The following PCGF3 variants were observed in gnomAD, a reference collection of about 807,000 sequenced individuals.
PCGF3 encodes polycomb group ring finger 3, also known as polycomb group RING finger protein 3.
Under a neutral mutation model 33.1 loss-of-function variants are expected in PCGF3, and 7 were observed. The ratio of observed to expected loss-of-function variants is 0.21; its 90% CI spans 0.12 to 0.40. The LOEUF is 0.40. Among genes scored for constraint, PCGF3 ranks in the 10% least tolerant of loss-of-function variants. PCGF3 has a pLI of 1.00. For synonymous variants in PCGF3, 153 were observed against 121.3 expected, an observed-to-expected ratio of 1.26 and a Z score of -1.72; for missense variants, 211 against 313.3, an observed-to-expected ratio of 0.67 and a Z score of 2.46.
intron 6 of PCGF3, among the ~76,000 whole-genome samples, chr4:738,173 A>G (rs1743917158): frequency 6.6e-6 from 1 of 152,238 alleles, no homozygotes; most frequent in African/African-American, 2.4e-5. Flanking sequence ...CAGATAGAGA[A>G]GCTGAGAATT....
intron 9 of PCGF3, among the ~76,000 whole-genome samples, chr4:763,317 C>T (rs951270797): frequency 2.0e-5 from 3 of 151,954 alleles, no homozygotes; most frequent in Non-Finnish European, 2.9e-5. Context: ...AGTGGGGCTG[C>T]AGGGGGTGGG....
intron 3 of PCGF3, 77 bp downstream of exon 3, chr4:731,187 G>A (rs1048720431): frequency 1.2e-4 from 49 of 398,404 alleles, no homozygotes; most frequent in Non-Finnish European, 2.0e-4. Context: ...GGCGAGGGCC[G>A]GCGATCATTA....
exon 11 of PCGF3, chr4:767,132 T>G (rs943266252): frequency 4.0e-5 from 6 of 151,860 alleles, no homozygotes; most frequent in Non-Finnish European, 8.8e-5. Context: ...TGGAAGGGCG[T>G]TTTTCAGAGC....
chr4:763,927 C>G (rs1745209858), intron 9 of PCGF3, among the ~76,000 whole-genome samples: 1 of 152,196 alleles, frequency 6.6e-6, no homozygotes, highest in Non-Finnish European at 1.5e-5. Context: ...AACATCAAGT[C>G]CCTGTTACTA....
intron 8 of PCGF3, among the ~76,000 whole-genome samples, chr4:751,820 CAG>C (rs2152605074): frequency 6.6e-6 from 1 of 152,134 alleles, no homozygotes; most frequent in Admixed American, 6.5e-5. Flanking sequence ...AGCCGAGGCT[CAG>C]GGTGGCATCA....
chr4:756,728 C>T (rs1485036215), intron 8 of PCGF3, among the ~76,000 whole-genome samples: 3 of 152,144 alleles, frequency 2.0e-5, no homozygotes, highest in African/African-American at 4.8e-5. Flanking sequence ...CCACCATCAT[C>T]TCCAGAGCCT....
At chr4:736,818 A>T (rs57209516) in intron 5 of PCGF3, among the ~76,000 whole-genome samples, 1 of 81,832 alleles carries the variant, frequency 1.2e-5, no homozygotes, top group African/African-American at 5.0e-5. Context: ...CTGCAGGGAC[A>T]GTGTCGCGGG....
At chr4:738,109 A>G (rs960409770) in intron 6 of PCGF3, among the ~76,000 whole-genome samples, 2 of 152,256 alleles carry the variant, frequency 1.3e-5, no homozygotes, top group African/African-American at 4.8e-5. Context: ...AGGAGGGGCC[A>G]GGTCAGCGCC....
chr4:728,478 C>T (rs996599428), intron 1 of PCGF3, among the ~76,000 whole-genome samples: 3 of 150,530 alleles, frequency 2.0e-5, no homozygotes, highest in East Asian at 3.9e-4. Flanking sequence ...TGGCGTAGAG[C>T]GCGTTGGGGG....
intron 6 of PCGF3, among the ~76,000 whole-genome samples, chr4:742,287 A>C (rs1175064524): frequency 1.3e-5 from 2 of 151,114 alleles, no homozygotes; most frequent in Admixed American, 6.6e-5. Flanking sequence ...CTCTCTGTCC[A>C]AGCTCGTTGC....
rs1381038040 is a variant in PCGF3 at position 720,759 on chromosome 4, G to A, written c.-189-9871G>A. Among the ~76,000 whole-genome samples, 3 of 152,006 alleles carry A rather than the reference G, an allele frequency of 2.0e-5. No individual in the cohort carries two copies. The highest frequency in any genetic ancestry group is 4.4e-5 in the Non-Finnish European group (3 of 67,978). On this transcript the variant is annotated intron_variant, in intron 1 of 10. Transcript: ENST00000362003. This position sits in a 1 kb window ranked among gnomAD's most constrained non-coding sequence, Gnocchi z 5.6. Reference sequence around the variant, plus strand: ...GTGGACCCGGCGTGGACGCAGCCCCGACGTGAATGGATGTGGTTCCGACGT... The same window carrying A: ...GTGGACCCGGCGTGGACGCAGCCCCAACGTGAATGGATGTGGTTCCGACGT...
At position 720,078 on chromosome 4, in the gene PCGF3, A is replaced by G. The variant is rs1159134034; in HGVS notation, c.-189-10552A>G. On this transcript the variant is annotated intron_variant, in intron 1 of 10. Transcript: ENST00000362003. The surrounding 1 kb of genome is among the most constrained non-coding windows in gnomAD (Gnocchi z 5.6). ...ACAGGTTTTGCAGAGCCCGTTGGTG[A>G]AGGCAGGGGTGCCTCTGGCATCGAC... 6.6e-6 allele frequency among the ~76,000 whole-genome samples: 1 copy of G among 152,112 alleles called. No individual in the cohort carries two copies. The highest frequency in any genetic ancestry group is 1.5e-5 in the Non-Finnish European group (1 of 68,016).
At chr4:756,765 C>T (rs1382446272) in intron 8 of PCGF3, among the ~76,000 whole-genome samples, 3 of 152,126 alleles carry the variant, frequency 2.0e-5, no homozygotes, top group Non-Finnish European at 4.4e-5. Context: ...TGAAGCTCTG[C>T]CCCCATTAAA....
chr4:728,357 G>A (rs1221009554), intron 1 of PCGF3, among the ~76,000 whole-genome samples: 6 of 151,816 alleles, frequency 4.0e-5, no homozygotes, highest in South Asian at 2.1e-4. Context: ...CGTAGAGTGC[G>A]TGGGGGGTGG....
rs1255839533 is a variant in PCGF3, at chr4:730,685, C to T, written c.-151+17C>T. 2 of 229,142 alleles carry T rather than the reference C, an allele frequency of 8.7e-6. No individual in the cohort carries two copies. Among genetic ancestry groups the T allele is most frequent in the Non-Finnish European group, 1.7e-5 (2 of 118,102 alleles). The allele number at this position is 229,142 out of a possible 1,614,324, so 14.2% of individuals were successfully genotyped here. A position where few individuals can be genotyped will look rare whatever the true frequency, so the allele number is the denominator to read the frequency against. Reference sequence around the variant, plus strand: ...CGTGCTCAGGTAAGTGCGCGTAGGCCGACTGCCCTCTTCTTTCCGCACCTG... The same window carrying T: ...CGTGCTCAGGTAAGTGCGCGTAGGCTGACTGCCCTCTTCTTTCCGCACCTG... On this transcript the variant is annotated intron_variant, in intron 2 of 10. Transcript: ENST00000362003.
intron 5 of PCGF3, among the ~76,000 whole-genome samples, chr4:735,487 A>T (rs1323192322): frequency 6.6e-6 from 1 of 152,208 alleles, no homozygotes; most frequent in Non-Finnish European, 1.5e-5. Context: ...CCGAGGTTGC[A>T]GTAAGCGGAG....
In PCGF3 at chr4:725,732, G is replaced by C. The variant is rs944566124; in HGVS notation, c.-189-4898G>C. On this transcript the variant is annotated intron_variant, in intron 1 of 10. Coordinates refer to ENST00000362003, the Ensembl canonical transcript of PCGF3. ...GCTGTGGGCTCTGTGCTGTGGCTGT[G>C]TGGGCTGCAGAGGGCTGCTGTGGGT... is the stretch of plus-strand genomic sequence containing the variant. Among the ~76,000 whole-genome samples the C allele has an allele frequency of 8.5e-5, 13 of 152,054 alleles. No individual in the cohort carries two copies. In the East Asian group the frequency reaches 2.5e-3, roughly 29 times the overall value.
intron 1 of PCGF3, among the ~76,000 whole-genome samples, chr4:717,824 C>G (rs1742921452): frequency 6.6e-6 from 1 of 152,206 alleles, no homozygotes; most frequent in Admixed American, 6.5e-5. Context: ...ATTGAGGAGT[C>G]CACGCGGCAG....
chr4:762,446 TC>T (rs1745112259), intron 9 of PCGF3: 1 of 152,190 alleles, frequency 6.6e-6, no homozygotes, highest in African/African-American at 2.4e-5. Context: ...TGTTGGAAAT[TC>T]CATCCCCAGC....
Sources: gnomAD v4.1 joint callset for allele counts (sites outside exome capture counted in the v4.1 genomes callset) on GRCh38, gnomAD v4.1.1 for gene constraint, Gnocchi (gnomAD v3.1) non-coding constraint, MANE v1.5 for transcripts, NCBI Gene and HGNC (gene_info 2026-07-23, HGNC 2026-07-21) for gene names.